The following XRCC6 variants were observed in gnomAD, a reference collection of about 807,000 sequenced individuals.
XRCC6 encodes DNA repair protein Ku70.
A neutral mutation model predicts 65.7 loss-of-function variants in XRCC6; 5 were observed. The ratio of observed to expected loss-of-function variants is 0.08; its 90% CI spans 0.04 to 0.16. XRCC6 has a LOEUF of 0.16. Among genes scored for constraint, XRCC6 ranks in the 10% least tolerant of loss-of-function variants. XRCC6 has a pLI of 1.00. For synonymous variants in XRCC6, 270 were observed against 270.6 expected, an observed-to-expected ratio of 1.00 and a Z score of 0.02; for missense variants, 447 against 738.1, an observed-to-expected ratio of 0.61 and a Z score of 4.57.
At chr22:41,638,496 T>G (rs946288161) in intron 6 of XRCC6, among the ~76,000 whole-genome samples, 1 of 152,006 alleles carries the variant, frequency 6.6e-6, no homozygotes, top group African/African-American at 2.4e-5. Context: ...AATAAAAATA[T>G]GATATAGGCC....
At chr22:41,643,592 G>A (rs948036181) in intron 6 of XRCC6, among the ~76,000 whole-genome samples, 4 of 152,058 alleles carry the variant, frequency 2.6e-5, no homozygotes, top group African/African-American at 9.7e-5. Context: ...AGGCCGAGAC[G>A]GGTGGATCAC....
chr22:41,631,375 G>T (rs1268899754), intron 3 of XRCC6, among the ~76,000 whole-genome samples: 1 of 151,064 alleles, frequency 6.6e-6, no homozygotes, highest in Non-Finnish European at 1.5e-5. Context: ...CTCAGACGGG[G>T]CGGCTCCCGG....
At chr22:41,662,928 A>G (rs925320575) in intron 12 of XRCC6, among the ~76,000 whole-genome samples, 1 of 152,042 alleles carries the variant, frequency 6.6e-6, no homozygotes, top group African/African-American at 2.4e-5. Context: ...TAAAAATACA[A>G]AAATTAGCCA....
chr22:41,634,580 T>G (rs1161842238), intron 3 of XRCC6, among the ~76,000 whole-genome samples: 1 of 150,976 alleles, frequency 6.6e-6, no homozygotes, highest in African/African-American at 2.4e-5. Flanking sequence ...AGTCTCGCTC[T>G]GTTGCCCAGG....
intron 3 of XRCC6, among the ~76,000 whole-genome samples, chr22:41,631,291 C>T (rs1301983536): frequency 1.5e-4 from 23 of 151,056 alleles, no homozygotes; most frequent in Non-Finnish European, 2.2e-4. Context: ...CCCTCCCGGA[C>T]GGGTCGGCTG....
At chr22:41,623,370 T>C (rs1259443652) in intron 2 of XRCC6, among the ~76,000 whole-genome samples, 3 of 152,118 alleles carry the variant, frequency 2.0e-5, no homozygotes, top group Non-Finnish European at 4.4e-5. Context: ...TGAGCCTCCA[T>C]GCCCAGACTG....
chr22:41,630,898 A>G (rs924479531), intron 3 of XRCC6, among the ~76,000 whole-genome samples: 42 of 152,186 alleles, frequency 2.8e-4, no homozygotes, highest in African/African-American at 8.9e-4. Context: ...CGATTTCTCA[A>G]TCTTTTCCCC....
chr22:41,662,278 T>C (rs980571163), intron 12 of XRCC6, among the ~76,000 whole-genome samples: 11 of 152,216 alleles, frequency 7.2e-5, no homozygotes, highest in Non-Finnish European at 1.6e-4. Context: ...TTTATGCTGA[T>C]GTGATTATTT....
intron 6 of XRCC6, among the ~76,000 whole-genome samples, chr22:41,639,956 C>T (rs570551619): frequency 1.3e-5 from 2 of 150,882 alleles, no homozygotes; most frequent in South Asian, 4.2e-4. Context: ...CTGCGTCCGG[C>T]CTAGATTCTG....
intron 6 of XRCC6, among the ~76,000 whole-genome samples, chr22:41,638,278 A>G (rs2067832131): frequency 6.6e-6 from 1 of 152,148 alleles, no homozygotes; most frequent in Non-Finnish European, 1.5e-5. Flanking sequence ...ACCTTCTTAG[A>G]ATTGCGTCAT....
intron 12 of XRCC6, among the ~76,000 whole-genome samples, chr22:41,661,982 T>G (rs777785316): frequency 1.2e-4 from 18 of 152,146 alleles, no homozygotes; most frequent in Non-Finnish European, 2.4e-4. Flanking sequence ...AGACAGACAT[T>G]TACATGTTCT....
At chr22:41,640,065 T>G (rs964064645) in intron 6 of XRCC6, among the ~76,000 whole-genome samples, 3 of 152,134 alleles carry the variant, frequency 2.0e-5, no homozygotes, top group Admixed American at 6.6e-5. Flanking sequence ...GGTGTCTCAC[T>G]CTTGCCCAGG....
chr22:41,663,582 G>A (rs1569101354), intron 12 of XRCC6, 40 bp from the exon 13 acceptor site: 2 of 1,581,014 alleles, frequency 1.3e-6, no homozygotes, highest in African/African-American at 2.7e-5. Flanking sequence ...CCACTTGTAT[G>A]TAGCATTTCC....
At chr22:41,629,587 T>A (rs910528981) in intron 3 of XRCC6, among the ~76,000 whole-genome samples, 2 of 152,180 alleles carry the variant, frequency 1.3e-5, no homozygotes, top group Non-Finnish European at 2.9e-5. Flanking sequence ...GGTTTGCTTT[T>A]GGGGTGATGA....
At chr22:41,623,071 T>C (rs1181583406) in intron 2 of XRCC6, among the ~76,000 whole-genome samples, 2 of 152,164 alleles carry the variant, frequency 1.3e-5, no homozygotes, top group African/African-American at 4.8e-5. Flanking sequence ...TATCTTTCAA[T>C]ATTTATTTCC....
Position 41,656,895 on chromosome 22 carries a change from T to C in XRCC6, c.1292-8T>C, listed in dbSNP as rs372437129. On this transcript the variant is annotated splice_region_variant and splice_polypyrimidine_tract_variant and intron_variant, in intron 9 of 12. Coordinates refer to ENST00000360079, the MANE Select transcript of XRCC6 (RefSeq NM_001469.5). ...TCAAATCAAAGAAAATTTATCTCCT[T>C]TCTTCAGGCTTCCAGCTGGTCTTTT... 15 of 1,612,652 alleles carry C rather than the reference T, an allele frequency of 9.3e-6. No individual in the cohort carries two copies. In the African/African-American group the frequency reaches 1.7e-4, roughly 19 times the overall value.
At position 41,647,359 on chromosome 22, in the gene XRCC6, G is replaced by T. The variant is rs570805953; in HGVS notation, c.960+277G>T. Among the ~76,000 whole-genome samples the T allele has an allele frequency of 1.9e-4, 29 of 152,154 alleles. 1 individual carries two copies. The East Asian group carries it at 5.4e-3, about 28-fold the overall frequency. On this transcript the variant is annotated intron_variant, in intron 7 of 12. Transcript: ENST00000360079. ...GCACTTTGGGAGGCCGAGGCAGGTGGATTACCGAGGTCAGGAGTTCAAGAC... is the reference window on the plus strand; with the variant it reads ...GCACTTTGGGAGGCCGAGGCAGGTGTATTACCGAGGTCAGGAGTTCAAGAC...
At chr22:41,632,159 G>GGGGAGA (rs1270842649) in intron 3 of XRCC6, among the ~76,000 whole-genome samples, 8 of 151,248 alleles carry the variant, frequency 5.3e-5, no homozygotes, top group African/African-American at 2.0e-4. Flanking sequence ...GGGAGACCGT[G>GGGGAGA]GGGAGAGGGA....
chr22:41,657,302 C>T (rs1407464367), intron 10 of XRCC6, among the ~76,000 whole-genome samples: 1 of 152,060 alleles, frequency 6.6e-6, no homozygotes, highest in Non-Finnish European at 1.5e-5. Context: ...CTTATTCGCC[C>T]TTCTCCTTGA....
Sources: gnomAD v4.1 joint callset for allele counts (sites outside exome capture counted in the v4.1 genomes callset) on GRCh38, gnomAD v4.1.1 for gene constraint, MANE v1.5 for transcripts, NCBI Gene and HGNC (gene_info 2026-07-23, HGNC 2026-07-21) for gene names.